Variants in SLC17A6 observed in about 807,000 individuals in gnomAD.
SLC17A6 encodes the protein vesicular glutamate transporter 2.
SLC17A6 carries 35 observed loss-of-function variants against 67.1 expected under a neutral mutation model. That is an observed-to-expected ratio of 0.52 (90% CI 0.40 to 0.69). The LOEUF (loss-of-function observed/expected upper bound fraction) is 0.69, where lower values mean the gene tolerates loss of function less well. Among genes scored for constraint, SLC17A6 ranks in the 30% least tolerant of loss-of-function variants. SLC17A6 has a pLI of 0.00. For missense variants in SLC17A6, 588 were observed against 723.9 expected (o/e 0.81, Z 2.15); for synonymous variants, 285 against 252.3 (o/e 1.13, Z -1.23).
At chr11:22,374,250 G>A (rs1330169824) in intron 8 of SLC17A6, among the ~76,000 whole-genome samples, 2 of 152,054 alleles carry the variant, frequency 1.3e-5, no homozygotes, top group African/African-American at 4.8e-5. Context: ...TAAAATTGAA[G>A]AAATTATCTG....
chr11:22,354,523 G>C (rs867852777), intron 3 of SLC17A6, among the ~76,000 whole-genome samples: 7 of 152,112 alleles, frequency 4.6e-5, no homozygotes, highest in African/African-American at 1.4e-4. Context: ...CAAAACATAA[G>C]AGAGATGGGG....
intron 7 of SLC17A6, among the ~76,000 whole-genome samples, chr11:22,367,326 G>A (rs1331058945): frequency 4.0e-5 from 6 of 151,204 alleles, no homozygotes; most frequent in Admixed American, 4.0e-4. Context: ...AGCCAAATTG[G>A]CCCTTAATGA....
chr11:22,365,230 G>T (rs1856097806), intron 6 of SLC17A6, among the ~76,000 whole-genome samples: 1 of 152,134 alleles, frequency 6.6e-6, no homozygotes, highest in Admixed American at 6.6e-5. Flanking sequence ...TAACCAGAGT[G>T]CCTAGAATGC....
Position 22,377,738 on chromosome 11 carries a change from T to C in SLC17A6, c.1747T>C (p.Ter583GlnextTer3), listed in dbSNP as rs760645293. ...CTATAAGGACCGAGTTGATTATTCA[T>C]AACAAAACTAATTACTGGATTTATT... ...HSYKDRVDYS[*>Q] Residue 583 changes from the stop codon to glutamine (Q), a stop_lost, in exon 12 of 12, where the codon TAA becomes CAA. Transcript: ENST00000263160. 7 of 1,544,306 alleles carry C rather than the reference T, an allele frequency of 4.5e-6. No individual in the cohort carries two copies. The highest frequency in any genetic ancestry group is 4.2e-5 in the Admixed American group (2 of 47,420).
In SLC17A6 at chr11:22,374,718, G is replaced by T. The variant is rs189132081; in HGVS notation, c.1042-37G>T. ...CATTAAATTGCCCATATTATTTATGGTTATGTCTATTTCTCTCCCTTCTTG... is the reference window on the plus strand; with the variant it reads ...CATTAAATTGCCCATATTATTTATGTTTATGTCTATTTCTCTCCCTTCTTG... On this transcript the variant is annotated intron_variant, in intron 8 of 11. Coordinates refer to ENST00000263160, the MANE Select transcript of SLC17A6 (RefSeq NM_020346.3). The T allele has an allele frequency of 6.2e-5, 95 of 1,537,016 alleles. 1 individual carries two copies. In the Admixed American group the frequency reaches 1.5e-3, roughly 25 times the overall value.
intron 4 of SLC17A6, 147 bp downstream of exon 4, chr11:22,359,674 A>C (rs1856027846): frequency 2.4e-6 from 1 of 416,596 alleles, no homozygotes; most frequent in African/African-American, 2.0e-5. Flanking sequence ...TGGAAATGTT[A>C]GACAGTCAGA....
intron 7 of SLC17A6, among the ~76,000 whole-genome samples, chr11:22,367,486 G>T (rs1328773518): frequency 6.6e-6 from 1 of 152,016 alleles, no homozygotes; most frequent in Admixed American, 6.6e-5. Context: ...AATTTCTTAC[G>T]GTGGCTACTC....
rs1231667535 is a variant in SLC17A6, at chr11:22,378,481, T to G, written c.*741T>G. The G allele has an allele frequency of 6.6e-6, 1 of 152,522 alleles. No individual in the cohort carries two copies. Among genetic ancestry groups the G allele is most frequent in the East Asian group, 1.9e-4 (1 of 5,202 alleles). 9.4% of individuals were successfully genotyped at this position (152,522 alleles called of 1,614,324 possible). ...TTTTCATGTAGCGTATCACATAACT[T>G]TTTTGCAAAAAATATAAAAAGAAAT... is the stretch of plus-strand genomic sequence containing the variant. On this transcript the variant is annotated 3_prime_UTR_variant, in exon 12 of 12. Transcript: ENST00000263160.
intron 7 of SLC17A6, among the ~76,000 whole-genome samples, chr11:22,366,337 C>T (rs991217263): frequency 6.6e-6 from 1 of 151,620 alleles, no homozygotes; most frequent in Non-Finnish European, 1.5e-5. Context: ...AGTGAAACCG[C>T]GGTTAAGGGA....
In SLC17A6 at chr11:22,378,423, T is replaced by G. The variant is rs910744837; in HGVS notation, c.*683T>G. On this transcript the variant is annotated 3_prime_UTR_variant, in exon 12 of 12. Coordinates refer to ENST00000263160, the MANE Select transcript of SLC17A6 (RefSeq NM_020346.3). ...GTTCTTCCATCCATTTACCTAATAG[T>G]ATGAAACAGTTCACATTTCAATAAA... The G allele has an allele frequency of 2.0e-5, 3 of 152,618 alleles. No individual in the cohort carries two copies. The highest frequency in any genetic ancestry group is 2.9e-5 in the Non-Finnish European group (2 of 68,022). The allele number at this position is 152,618 out of a possible 1,614,324, so 9.5% of individuals were successfully genotyped here. A position where few individuals can be genotyped will look rare whatever the true frequency, so the allele number is the denominator to read the frequency against.
chr11:22,343,370 T>A lies in SLC17A6; in HGVS notation c.458+5T>A, dbSNP rs1855841141. The A allele has an allele frequency of 6.2e-7, 1 of 1,606,524 alleles. No individual in the cohort carries two copies. The highest frequency in any genetic ancestry group is 1.1e-5 in the South Asian group (1 of 89,958). On this transcript the variant is annotated splice_donor_5th_base_variant and intron_variant, in intron 3 of 11. Coordinates refer to ENST00000263160, the MANE Select transcript of SLC17A6 (RefSeq NM_020346.3). ...GTCTCGGCTGGCAGCCAACAGGTAA[T>A]GCGCCAGGCGGGACTGGGGCTCGGG...
chr11:22,377,538 G>A lies in SLC17A6; in HGVS notation c.1547G>A (p.Cys516Tyr). Reference protein sequence around the residue: ...ADPEETSEEKCGFIHEDELDE... With the variant: ...ADPEETSEEKYGFIHEDELDE... ...CCGGAGGAAACAAGTGAAGAAAAAT[G>A]TGGATTTATTCATGAAGATGAACTC... The change falls in exon 12 of 12, where the codon TGT becomes TAT. Residue 516 changes from cysteine to tyrosine, a missense_variant. By Grantham distance (194) the Cys-to-Tyr change is radical. This residue lies in a region of SLC17A6 where 414 missense variants were observed against 563.4 expected (regional missense o/e 0.73). Transcript: ENST00000263160. The A allele has an allele frequency of 6.2e-7, 1 of 1,614,128 alleles. No homozygotes were observed. Among genetic ancestry groups the A allele is most frequent in the Non-Finnish European group, 8.5e-7 (1 of 1,180,006 alleles).
At position 22,359,443 on chromosome 11, in the gene SLC17A6, T is replaced by C. The variant is rs753434436; in HGVS notation, c.489T>C (p.Ser163=). ...RVFGAAILLT[S]TLNMLIPSAA... is the part of the protein sequence containing the mutation. ...TCGGAGCTGCCATACTTCTTACCTC[T>C]ACCCTAAATATGCTAATTCCATCAG... Residue 163 remains serine, a synonymous_variant, in exon 4 of 12, where the codon TCT becomes TCC. Transcript: ENST00000263160. 5.0e-6 allele frequency: 8 copies of C among 1,598,488 alleles called. No homozygotes were observed. In the East Asian group the frequency reaches 1.8e-4, roughly 36 times the overall value.
Position 22,378,818 on chromosome 11 carries a change from C to A in SLC17A6, c.*1078C>A, listed in dbSNP as rs1053659258. 39 of 151,848 alleles carry A rather than the reference C, an allele frequency of 2.6e-4. 1 individual carries two copies. Among genetic ancestry groups the A allele is most frequent in the Non-Finnish European group, 3.2e-4 (22 of 67,902 alleles). The allele number at this position is 151,848 out of a possible 1,614,324, so 9.4% of individuals were successfully genotyped here. A position where few individuals can be genotyped will look rare whatever the true frequency, so the allele number is the denominator to read the frequency against. On this transcript the variant is annotated 3_prime_UTR_variant, in exon 12 of 12. Transcript: ENST00000263160. ...AAATATTTGTCTTAAATATATAGGA[C>A]AATACATTATATTAAAATGGTCTCT...
At chr11:22,377,052 T>C (rs770002935) in intron 11 of SLC17A6, among the ~76,000 whole-genome samples, 2 of 152,128 alleles carry the variant, frequency 1.3e-5, no homozygotes, top group Non-Finnish European at 2.9e-5. Flanking sequence ...TTTGTACTTA[T>C]ATGTGTATGC....
At chr11:22,364,187 A>G (rs1856082702) in intron 6 of SLC17A6, among the ~76,000 whole-genome samples, 2 of 152,146 alleles carry the variant, frequency 1.3e-5, no homozygotes, top group Non-Finnish European at 2.9e-5. Flanking sequence ...AAGATTAAAG[A>G]GATAAGATCA....
chr11:22,343,849 T>C (rs1855846825), intron 3 of SLC17A6, among the ~76,000 whole-genome samples: 2 of 152,000 alleles, frequency 1.3e-5, no homozygotes, highest in African/African-American at 4.8e-5. Context: ...GGGTATGAAG[T>C]ATTTGTTTCT....
At chr11:22,366,116 C>T (rs1052638431) in intron 7 of SLC17A6, among the ~76,000 whole-genome samples, 1 of 152,130 alleles carries the variant, frequency 6.6e-6, no homozygotes, top group Non-Finnish European at 1.5e-5. Context: ...CCCCGGGTTG[C>T]TACCGAACCC....
rs529475957 is a variant in SLC17A6, at chr11:22,378,546, G to A, written c.*806G>A. 3.4e-5 allele frequency: 5 copies of A among 149,076 alleles called. No individual in the cohort carries two copies. The East Asian group carries it at 9.8e-4, about 29-fold the overall frequency. 9.2% of individuals were successfully genotyped at this position (149,076 alleles called of 1,614,324 possible). A position where few individuals can be genotyped will look rare whatever the true frequency, so the allele number is the denominator to read the frequency against. ...TTTTTATTACAACTTTGTACTGGTT[G>A]TAACTTGCATTAGAAAAAAAAGAGA... On this transcript the variant is annotated 3_prime_UTR_variant, in exon 12 of 12. Coordinates refer to ENST00000263160, the MANE Select transcript of SLC17A6 (RefSeq NM_020346.3).
Sources: gnomAD v4.1 joint callset for allele counts (sites outside exome capture counted in the v4.1 genomes callset) on GRCh38, gnomAD v4.1.1 for gene constraint, gnomAD v4.1.1 regional missense constraint, MANE v1.5 for transcripts, NCBI Gene and HGNC (gene_info 2026-07-23, HGNC 2026-07-21) for gene names.